Variants in FRMD4A observed in about 807,000 individuals in gnomAD.
The protein encoded by FRMD4A is FERM domain-containing protein 4A.
A neutral mutation model predicts 129.1 loss-of-function variants in FRMD4A; 29 were observed. That is an observed-to-expected ratio of 0.22 (90% CI 0.17 to 0.31). The LOEUF is 0.31. Ranked by LOEUF, FRMD4A falls within the 10% of genes least tolerant of loss-of-function variation. The pLI is 1.00. For missense variants in FRMD4A, 1,272 were observed against 1,375.8 expected (o/e 0.92, Z 1.19); for synonymous variants, 634 against 571.6 (o/e 1.11, Z -1.56).
At chr10:13,891,811 A>G (rs945963095) in intron 2 of FRMD4A, 104 of 883,914 alleles carry the variant, frequency 1.2e-4, no homozygotes, top group Non-Finnish European at 1.3e-4. Context: ...GCGTCAGCCC[A>G]TAGCCCGCTC....
At chr10:13,813,150 A>G (rs1174866114) in intron 3 of FRMD4A, among the ~76,000 whole-genome samples, 1 of 152,192 alleles carries the variant, frequency 6.6e-6, no homozygotes, top group Non-Finnish European at 1.5e-5. Flanking sequence ...TGCTTTTTAA[A>G]TTGCAAGGTA....
chr10:13,738,027 G>A (rs1247530080), intron 11 of FRMD4A, 97 bp from the exon 12 acceptor site: 1 of 726,232 alleles, frequency 1.4e-6, no homozygotes, highest in Non-Finnish European at 2.5e-6. Context: ...CGAGGGAAAG[G>A]GCCATTTCCT....
At chr10:13,682,796 C>T (rs1467491804) in intron 15 of FRMD4A, among the ~76,000 whole-genome samples, 1 of 152,154 alleles carries the variant, frequency 6.6e-6, no homozygotes, top group African/African-American at 2.4e-5. Context: ...GCGTGAGCCA[C>T]TGCGCCTGGC....
At chr10:13,985,383 C>T (rs558600665) in intron 2 of FRMD4A, among the ~76,000 whole-genome samples, 45 of 152,308 alleles carry the variant, frequency 3.0e-4, no homozygotes, top group African/African-American at 1.1e-3. Context: ...CTGCTGAGCA[C>T]CTCCCACTGG....
chr10:13,704,838 A>G (rs59298332), intron 13 of FRMD4A, among the ~76,000 whole-genome samples: 2,620 of 152,008 alleles, frequency 0.017, 90 homozygotes, highest in African/African-American at 0.06. Context: ...TGAGAGGCCA[A>G]GATGGGAGGA....
intron 2 of FRMD4A, among the ~76,000 whole-genome samples, chr10:14,084,789 C>T (rs77029746): frequency 0.027 from 4,164 of 152,244 alleles, 84 homozygotes; most frequent in Non-Finnish European, 0.044. Context: ...TTGAACCAAC[C>T]CTAAGCCTGC....
At chr10:13,740,827 G>T (rs7923282) in intron 9 of FRMD4A, among the ~76,000 whole-genome samples, 130,399 of 136,490 alleles carry the variant, frequency 0.96, 62,296 homozygotes, top group East Asian at 1. Context: ...TTGGATGTTT[G>T]TTTTTTTTTT....
At chr10:14,249,911 T>C (rs998249649) in intron 2 of FRMD4A, among the ~76,000 whole-genome samples, 2 of 152,222 alleles carry the variant, frequency 1.3e-5, no homozygotes, top group Admixed American at 6.5e-5. Flanking sequence ...AACATATTAA[T>C]GTAGTTACTC....
chr10:14,239,423 C>A (rs905185066), intron 2 of FRMD4A, among the ~76,000 whole-genome samples: 8 of 152,082 alleles, frequency 5.3e-5, no homozygotes, highest in Non-Finnish European at 1.0e-4. Flanking sequence ...GTCAGGAGAT[C>A]AAGACCATCC....
intron 2 of FRMD4A, among the ~76,000 whole-genome samples, chr10:13,862,944 T>TTTTTG: frequency 6.6e-6 from 1 of 150,832 alleles, no homozygotes; most frequent in Non-Finnish European, 1.5e-5. Flanking sequence ...TTTTGTTTTT[T>TTTTTG]TTTTTGTTTC....
chr10:14,013,034 G>T (rs2095687326), intron 2 of FRMD4A, among the ~76,000 whole-genome samples: 1 of 152,188 alleles, frequency 6.6e-6, no homozygotes, highest in Admixed American at 6.5e-5. Context: ...GCAGAAGGCA[G>T]GCTGAGGCCA....
chr10:14,021,444 C>G (rs1264505631), intron 2 of FRMD4A, among the ~76,000 whole-genome samples: 1 of 151,842 alleles, frequency 6.6e-6, no homozygotes, highest in Admixed American at 6.6e-5. Context: ...GTAGTCCCAC[C>G]TACTTGGGAG....
intron 2 of FRMD4A, among the ~76,000 whole-genome samples, chr10:14,004,519 G>A (rs7915744): frequency 0.2 from 30,255 of 151,930 alleles, 3,666 homozygotes; most frequent in East Asian, 0.45. Flanking sequence ...TCCAGCCCGG[G>A]CAACACAGCG....
chr10:14,124,067 A>T (rs1838690366), intron 2 of FRMD4A, among the ~76,000 whole-genome samples: 1 of 152,140 alleles, frequency 6.6e-6, no homozygotes, highest in South Asian at 2.1e-4. Flanking sequence ...ACTTCTGGCA[A>T]CCTGTGCAAT....
chr10:13,922,462 G>A (rs945185499), intron 2 of FRMD4A, among the ~76,000 whole-genome samples: 1 of 152,120 alleles, frequency 6.6e-6, no homozygotes, highest in African/African-American at 2.4e-5. Flanking sequence ...ACACAAAGAG[G>A]TTAAATGACT....
intron 2 of FRMD4A, among the ~76,000 whole-genome samples, chr10:14,316,564 G>A (rs541462851): frequency 6.7e-6 from 1 of 148,926 alleles, no homozygotes; most frequent in African/African-American, 2.4e-5. Context: ...AAGCCAATCA[G>A]TGCTTGAGTC....
At chr10:13,913,596 AG>A (rs1296342053) in intron 2 of FRMD4A, among the ~76,000 whole-genome samples, 5 of 152,262 alleles carry the variant, frequency 3.3e-5, no homozygotes, top group African/African-American at 1.2e-4. Flanking sequence ...ACATCTCCTG[AG>A]GCACGTGATC....
chr10:14,042,140 G>T (rs1239588129), intron 2 of FRMD4A, among the ~76,000 whole-genome samples: 1 of 152,190 alleles, frequency 6.6e-6, no homozygotes, highest in African/African-American at 2.4e-5. Flanking sequence ...CCGTAATAAA[G>T]AAATCGATGT....
intron 2 of FRMD4A, among the ~76,000 whole-genome samples, chr10:14,308,010 A>C (rs1204208517): frequency 6.6e-6 from 1 of 152,228 alleles, no homozygotes; most frequent in Non-Finnish European, 1.5e-5. Context: ...AAATATGCTA[A>C]AGTACATAGA....
Sources: gnomAD v4.1 joint callset for allele counts (sites outside exome capture counted in the v4.1 genomes callset) on GRCh38, gnomAD v4.1.1 for gene constraint, MANE v1.5 for transcripts, NCBI Gene and HGNC (gene_info 2026-07-23, HGNC 2026-07-21) for gene names.